CAPN10: variants seen among roughly 807,000 people sequenced by gnomAD.
The protein encoded by CAPN10 is calpain 10.
CAPN10 carries 71 observed loss-of-function variants against 78.4 expected under a neutral mutation model. The observed-to-expected ratio is 0.91, with a 90% CI of 0.75 to 1.10. The LOEUF is 1.10. Among genes scored for constraint, CAPN10 ranks in the 50% least tolerant of loss-of-function variants. CAPN10 has a pLI of 0.00. For missense variants in CAPN10, 849 were observed against 924.6 expected (o/e 0.92, Z 1.06); for synonymous variants, 437 against 407.2 (o/e 1.07, Z -0.88).
rs920842253 is a variant in CAPN10 at position 240,599,071 on chromosome 2, C to A, written c.*391C>A. On this transcript the variant is annotated 3_prime_UTR_variant, in exon 12 of 12. Transcript: ENST00000391984. ...TGTTCGAATCACTTTTAGGATGTAA[C>A]TTTATAAATAAACATGAGCGCTGAT... 3.5e-5 allele frequency: 9 copies of A among 257,918 alleles called. No individual in the cohort carries two copies. The highest frequency in any genetic ancestry group is 2.3e-3 in the Middle Eastern group (2 of 870). 16.0% of individuals were successfully genotyped at this position (257,918 alleles called of 1,614,324 possible).
At chr2:240,592,947 A>G (rs1051674139) in intron 4 of CAPN10, 4 of 161,102 alleles carry the variant, frequency 2.5e-5, no homozygotes, top group Non-Finnish European at 4.1e-5. Context: ...AAGAATATGA[A>G]TATCACAGTA....
At position 240,596,957 on chromosome 2, in the gene CAPN10, C is replaced by T. The variant is rs1017308983; in HGVS notation, c.1743+15C>T. Reference sequence around the variant, plus strand: ...ATATCTTCCAGGCAAGCTCCTTGCCCCAGGGAGGGAGGGGGAGCAGAAGGG... The same window carrying T: ...ATATCTTCCAGGCAAGCTCCTTGCCTCAGGGAGGGAGGGGGAGCAGAAGGG... On this transcript the variant is annotated intron_variant, in intron 9 of 11. Coordinates refer to ENST00000391984, the MANE Select transcript of CAPN10 (RefSeq NM_023083.4). The T allele has an allele frequency of 3.7e-6, 6 of 1,613,222 alleles. No homozygotes were observed. The highest frequency in any genetic ancestry group is 5.1e-6 in the Non-Finnish European group (6 of 1,179,998).
At position 240,598,045 on chromosome 2, in the gene CAPN10, CAG is replaced by C. The variant is rs747454194; in HGVS notation, c.1904_1905del (p.Glu635GlyfsTer12). ...GTGCCCTCCACCTACCTGCCGGACACAGAGGGGGCCTTCACAGTGACCATCGC... is the reference window on the plus strand; with the variant it reads ...GTGCCCTCCACCTACCTGCCGGACACAGGGGGCCTTCACAGTGACCATCGC... On this transcript the variant is annotated frameshift_variant, in exon 10 of 12. Transcript: ENST00000391984. LOFTEE classifies it high-confidence loss of function. 4 of 1,612,624 alleles carry C rather than the reference CAG, an allele frequency of 2.5e-6. No individual in the cohort carries two copies. The highest frequency in any genetic ancestry group is 2.7e-5 in the African/African-American group (2 of 74,922).
Position 240,596,949 on chromosome 2 carries a change from T to C in CAPN10, c.1743+7T>C. The C allele has an allele frequency of 6.2e-7, 1 of 1,613,318 alleles. No homozygotes were observed. The highest frequency in any genetic ancestry group is 8.5e-7 in the Non-Finnish European group (1 of 1,179,996). On this transcript the variant is annotated splice_region_variant and intron_variant, in intron 9 of 11. Transcript: ENST00000391984. ...CGGCTTCCATATCTTCCAGGCAAGC[T>C]CCTTGCCCCAGGGAGGGAGGGGGAG...
chr2:240,596,142 G>A lies in CAPN10; in HGVS notation c.1279-177G>A, dbSNP rs575084453. 5 of 1,504,620 alleles carry A rather than the reference G, an allele frequency of 3.3e-6. No homozygotes were observed. The East Asian group carries it at 1.2e-4, about 37-fold the overall frequency. 93.2% of individuals were successfully genotyped at this position (1,504,620 alleles called of 1,614,324 possible). A position where few individuals can be genotyped will look rare whatever the true frequency, so the allele number is the denominator to read the frequency against. On this transcript the variant is annotated intron_variant, in intron 7 of 11. Coordinates refer to ENST00000391984, the MANE Select transcript of CAPN10 (RefSeq NM_023083.4). ...GATACTGGCGCCAGGGCCAAGTGAAGCCCGGGATTGGTGGGCATCTCTAGC... is the reference window on the plus strand; with the variant it reads ...GATACTGGCGCCAGGGCCAAGTGAAACCCGGGATTGGTGGGCATCTCTAGC...
chr2:240,589,361 C>T lies in CAPN10; in HGVS notation c.160C>T (p.Arg54Trp), dbSNP rs764730986. 17 of 1,614,154 alleles carry T rather than the reference C, an allele frequency of 1.1e-5. No individual in the cohort carries two copies. The highest frequency in any genetic ancestry group is 6.6e-5 in the South Asian group (6 of 91,084). The change falls in exon 2 of 12, where the codon CGG (arginine) becomes TGG (tryptophan). Residue 54 changes from arginine (R) to tryptophan (W), a missense_variant. Transcript: ENST00000391984. ...ATCTCAGGAGATTTGTGCCACACCC[C>T]GGCTGTTTCCAGATGACCCACGGGA... ...RRPQEICATPRLFPDDPREGQ... is the reference protein window; with the variant it reads ...RRPQEICATPWLFPDDPREGQ...
chr2:240,595,327 A>ACGCT (rs2093130050), intron 7 of CAPN10, 23 bp downstream of exon 7: 1 of 1,608,104 alleles, frequency 6.2e-7, no homozygotes, highest in Non-Finnish European at 8.5e-7. Flanking sequence ...CGTCTGGCTC[A>ACGCT]CGCTCGGTTC....
At chr2:240,587,106 T>G in intron 1 of CAPN10, 54 bp downstream of exon 1, 4 of 1,178,638 alleles carry the variant, frequency 3.4e-6, no homozygotes, top group Non-Finnish European at 4.4e-6. Context: ...AGATCTCCGC[T>G]CCTCGCAGGG....
intron 11 of CAPN10, 94 bp downstream of exon 11, chr2:240,598,491 G>T: frequency 6.7e-7 from 1 of 1,502,766 alleles, no homozygotes. Flanking sequence ...GTTTCTGCCT[G>T]GGACGTGAGG....
Position 240,594,053 on chromosome 2 carries a change from TGCTGGG to T in CAPN10, c.830+9_830+14del, listed in dbSNP as rs763951024. 8.6e-4 allele frequency: 1,359 copies of T among 1,589,196 alleles called. 2 individuals carry two copies. The highest frequency in any genetic ancestry group is 1.1e-3 in the Non-Finnish European group (1,335 of 1,166,134). ...CAGGGGCTCTGGAGAGAGGGGTGAG[TGCTGGG>T]GCCTGGACCATGCTGCTGTCGGGAG... On this transcript the variant is annotated splice_region_variant and intron_variant, in intron 5 of 11. Coordinates refer to ENST00000391984, the MANE Select transcript of CAPN10 (RefSeq NM_023083.4).
In CAPN10 at chr2:240,597,922, C is replaced by A. The variant is rs762425976; in HGVS notation, c.1778C>A (p.Pro593Gln). ...GGTGGAAGGAGCCAGGACGCACCCC[C>A]ACTGCTGCTGCAGGAGCCGCTGCTG... The part of the protein sequence containing the change: ...PEGGRSQDAP[P>Q]LLLQEPLLSC... Residue 593 changes from proline (P) to glutamine (Q), a missense_variant, in exon 10 of 12, where the codon CCA becomes CAA. Coordinates refer to ENST00000391984, the MANE Select transcript of CAPN10 (RefSeq NM_023083.4). 1.1e-5 allele frequency: 17 copies of A among 1,611,118 alleles called. No homozygotes were observed. The highest frequency in any genetic ancestry group is 1.7e-5 in the Admixed American group (1 of 59,754).
chr2:240,591,346 G>A, intron 3 of CAPN10: 2 of 291,842 alleles, frequency 6.9e-6, no homozygotes, highest in Non-Finnish European at 6.5e-6. Flanking sequence ...GTTGGGACAG[G>A]CAGACTCATT....
intron 9 of CAPN10, 122 bp downstream of exon 9, chr2:240,597,064 C>G (rs543450407): frequency 8.1e-7 from 1 of 1,235,248 alleles, no homozygotes; most frequent in Admixed American, 2.0e-5. Flanking sequence ...CCCTGCCCTT[C>G]GAGGCGCTGC....
rs1310166568 is a variant in CAPN10 at position 240,596,506 on chromosome 2, G to C, written c.1466G>C (p.Gly489Ala). ...GEFLLRVFST[G>A]RVSLSAIRAV... ...TTCCTGCTCCGAGTCTTCTCTACCG[G>C]GCGAGTCTCCCTTAGGTGAGAGGAA... The change falls in exon 8 of 12, where the codon GGG becomes GCG. Residue 489 changes from glycine (G) to alanine (A), a missense_variant. Gly to Ala is a moderately conservative substitution (Grantham distance 60). Coordinates refer to ENST00000391984, the MANE Select transcript of CAPN10 (RefSeq NM_023083.4). 6.2e-7 allele frequency: 1 copy of C among 1,608,822 alleles called. No homozygotes were observed. The highest frequency in any genetic ancestry group is 2.2e-5 in the East Asian group (1 of 44,696).
rs150113284 is a variant in CAPN10 at position 240,594,045 on chromosome 2, G to A, written c.828G>A (p.Glu276=). The change falls in exon 5 of 12, where the codon GAG becomes GAA. Residue 276 remains glutamate (E), a splice_region_variant and synonymous_variant. Transcript: ENST00000391984. ...GRRCWQGLWR[E]GGEGWSQVDA... ...GGTGCTGGCAGGGGCTCTGGAGAGA[G>A]GGGTGAGTGCTGGGGCCTGGACCAT... 4,467 of 1,598,104 alleles carry A rather than the reference G, an allele frequency of 2.8e-3. 17 individuals carry two copies. Among genetic ancestry groups the A allele is most frequent in the South Asian group, 3.2e-3 (286 of 89,660 alleles).
At chr2:240,587,196 C>G (rs894689430) in intron 1 of CAPN10, 144 bp downstream of exon 1, 4 of 416,886 alleles carry the variant, frequency 9.6e-6, no homozygotes, top group East Asian at 7.2e-5. Context: ...CGCCCGGCCC[C>G]CTCTTTTCGT....
Position 240,599,019 on chromosome 2 carries a change from C to T in CAPN10, c.*339C>T, listed in dbSNP as rs1228142837. ...GAGGCCTCACACCCAGAGGGTAGGGCAGCAGATCTTCTTTATAACTATTTA... is the reference window on the plus strand; with the variant it reads ...GAGGCCTCACACCCAGAGGGTAGGGTAGCAGATCTTCTTTATAACTATTTA... On this transcript the variant is annotated 3_prime_UTR_variant, in exon 12 of 12. Transcript: ENST00000391984. 1 of 434,758 alleles carries T rather than the reference C, an allele frequency of 2.3e-6. No individual in the cohort carries two copies. The highest frequency in any genetic ancestry group is 1.9e-5 in the African/African-American group (1 of 51,384). 26.9% of individuals were successfully genotyped at this position (434,758 alleles called of 1,614,324 possible). A position where few individuals can be genotyped will look rare whatever the true frequency, so the allele number is the denominator to read the frequency against.
intron 9 of CAPN10, among the ~76,000 whole-genome samples, chr2:240,597,458 G>A (rs2093144077): frequency 6.6e-6 from 1 of 152,310 alleles, no homozygotes; most frequent in South Asian, 2.1e-4. Flanking sequence ...ATTCTCTGCA[G>A]ACATGTGTCC....
chr2:240,594,275 C>T, intron 5 of CAPN10: 1 of 581,442 alleles, frequency 1.7e-6, no homozygotes, highest in Non-Finnish European at 3.0e-6. Flanking sequence ...CAGACATCAT[C>T]ACGGGCTCGG....
Sources: allele counts gnomAD v4.1 joint callset (sites outside exome capture counted in the v4.1 genomes callset), GRCh38; gene constraint gnomAD v4.1.1; transcripts MANE v1.5; gene names NCBI Gene and HGNC (gene_info 2026-07-23, HGNC 2026-07-21).